Variants in MBD1 observed in about 807,000 individuals in gnomAD.
MBD1 encodes methyl-CpG-binding domain protein 1.
A neutral mutation model predicts 82.6 loss-of-function variants in MBD1; 25 were observed. The observed-to-expected ratio is 0.30, with a 90% CI of 0.22 to 0.42. The LOEUF is 0.42. MBD1 is among the 10% of genes least tolerant of loss of function. The probability of loss-of-function intolerance (pLI) is 1.00; values close to 1 mark genes in which losing one functional copy is unlikely to be tolerated. For missense variants in MBD1, 627 were observed against 819.6 expected (o/e 0.76, Z 2.87); for synonymous variants, 301 against 303.7 (o/e 0.99, Z 0.09).
intron 1 of MBD1, among the ~76,000 whole-genome samples, chr18:50,280,901 G>C (rs1402941199): frequency 3.3e-5 from 5 of 151,718 alleles, no homozygotes; most frequent in Non-Finnish European, 5.9e-5. Context: ...CTCTGTTCTT[G>C]TCCCGGGATC....
In MBD1 at chr18:50,269,166, G is replaced by A. The variant is rs146922501; in HGVS notation, c.*685C>T. On this transcript the variant is annotated 3_prime_UTR_variant, in exon 17 of 17. Coordinates refer to ENST00000269468, the MANE Select transcript of MBD1 (RefSeq NM_015846.4). ...GAATAAATGACACAAAAATAGCCAG[G>A]ACCAGCAAGTTTTTTCTGGGTGGGC... 9.6e-6 allele frequency: 10 copies of A among 1,039,724 alleles called. No homozygotes were observed. In the African/African-American group the frequency reaches 1.7e-4, roughly 18 times the overall value. The allele number at this position is 1,039,724 out of a possible 1,614,324, so 64.4% of individuals were successfully genotyped here.
downstream of MBD1, chr18:50,267,471 C>A: frequency 1.5e-6 from 1 of 683,730 alleles, no homozygotes; most frequent in South Asian, 1.7e-5. Context: ...AGTGGCACGA[C>A]CTGGTGGAGC....
At chr18:50,273,068 C>CAG in intron 13 of MBD1, 113 bp from the exon 14 acceptor site, 5 of 1,397,998 alleles carry the variant, frequency 3.6e-6, no homozygotes, top group Non-Finnish European at 5.0e-6. Flanking sequence ...CACATTTCAA[C>CAG]ACAGAAAGTC....
chr18:50,275,772 G>A (rs1249094362), intron 7 of MBD1, 44 bp from the exon 8 acceptor site: 2 of 1,614,026 alleles, frequency 1.2e-6, no homozygotes, highest in African/African-American at 2.7e-5. Flanking sequence ...GAAGCATGGG[G>A]CCAAGCCCAT....
intron 10 of MBD1, 31 bp downstream of exon 10, chr18:50,274,946 A>C (rs777816980): frequency 6.2e-7 from 1 of 1,610,510 alleles, no homozygotes; most frequent in East Asian, 2.2e-5. Flanking sequence ...CTGAGATTCT[A>C]GGCTTATCCA....
rs1034808756 is a variant in MBD1 at position 50,281,436 on chromosome 18, C to G, written c.-99G>C. 6.8e-6 allele frequency: 4 copies of G among 588,302 alleles called. No homozygotes were observed. The highest frequency in any genetic ancestry group is 3.0e-5 in the Admixed American group (1 of 33,320). 36.4% of individuals were successfully genotyped at this position (588,302 alleles called of 1,614,324 possible). Reference sequence around the variant, plus strand: ...CATGGCGAGGGTCCCTCCTGCACCTCCCGCCTCGCCCTCCTCCCCTTCCTC... The same window carrying G: ...CATGGCGAGGGTCCCTCCTGCACCTGCCGCCTCGCCCTCCTCCCCTTCCTC... On this transcript the variant is annotated 5_prime_UTR_variant, in exon 1 of 17. Transcript: ENST00000269468.
At chr18:50,276,259 A>G in intron 6 of MBD1, 119 bp downstream of exon 6, 1 of 1,065,728 alleles carries the variant, frequency 9.4e-7, no homozygotes, top group Non-Finnish European at 1.4e-6. Context: ...ACCTATGGAG[A>G]GCACCCTATA....
chr18:50,281,090 C>T, intron 1 of MBD1: 3 of 1,433,244 alleles, frequency 2.1e-6, no homozygotes, highest in Non-Finnish European at 2.8e-6. Flanking sequence ...CTTCAGATGC[C>T]CCGATGTCTC....
chr18:50,273,131 T>C (rs1436498328), intron 13 of MBD1, 176 bp from the exon 14 acceptor site: 1 of 1,206,610 alleles, frequency 8.3e-7, no homozygotes, highest in Non-Finnish European at 1.2e-6. Context: ...GACCTCCGTT[T>C]TTCTGTTAGC....
At chr18:50,268,758 G>C (rs1008215973), downstream of MBD1, 1 of 268,862 alleles carries the variant, frequency 3.7e-6, no homozygotes, top group African/African-American at 2.3e-5. Context: ...ACCTTGATTT[G>C]ATCTTCCCAC....
chr18:50,279,694 T>C, intron 2 of MBD1, 189 bp downstream of exon 2: 1 of 703,466 alleles, frequency 1.4e-6, no homozygotes, highest in Non-Finnish European at 2.3e-6. Flanking sequence ...ACAAATGCAC[T>C]GTGAGTAGTG....
rs2034527289 is a variant in MBD1, at chr18:50,269,369, C to A, written c.*482G>T. On this transcript the variant is annotated 3_prime_UTR_variant, in exon 17 of 17. Transcript: ENST00000269468. ...CTTGGTGAGGCTATGTTTCCCGGAA[C>A]TCTCTTCCAGTAAGATGGGCCACAA... is the stretch of plus-strand genomic sequence containing the variant. 2.3e-6 allele frequency: 3 copies of A among 1,309,228 alleles called. No homozygotes were observed. Among genetic ancestry groups the A allele is most frequent in the Non-Finnish European group, 3.0e-6 (3 of 1,002,058 alleles). 81.1% of individuals were successfully genotyped at this position (1,309,228 alleles called of 1,614,324 possible).
At position 50,274,267 on chromosome 18, in the gene MBD1, G is replaced by A. The variant is rs1473313422; in HGVS notation, c.1065C>T (p.Phe355=). Residue 355 remains phenylalanine (F), a synonymous_variant, in exon 11 of 17, where the codon TTC becomes TTT. Coordinates refer to ENST00000269468, the MANE Select transcript of MBD1 (RefSeq NM_015846.4). ...LRRMDCGRCD[F]CCDKPKFGGS... ...CCCCGAATTTGGGCTTGTCGCAGCA[G>A]AAGTCGCAGCGGCCACAGTCCATCC... 1.2e-6 allele frequency: 2 copies of A among 1,614,092 alleles called. No individual in the cohort carries two copies. Among genetic ancestry groups the A allele is most frequent in the East Asian group, 2.2e-5 (1 of 44,888 alleles).
At chr18:50,280,726 A>G (rs2039909048) in intron 1 of MBD1, among the ~76,000 whole-genome samples, 1 of 151,428 alleles carries the variant, frequency 6.6e-6, no homozygotes, top group Admixed American at 6.6e-5. Context: ...CTTCTCCTTC[A>G]ATGTTCTCAC....
downstream of MBD1, among the ~76,000 whole-genome samples, chr18:50,268,659 T>C (rs988895392): frequency 1.9e-4 from 29 of 152,210 alleles, no homozygotes; most frequent in African/African-American, 6.5e-4. Flanking sequence ...GTCCGGCCAG[T>C]GCTGAGCACC....
upstream of MBD1, chr18:50,281,721 G>A (rs1377895509): frequency 1.3e-5 from 5 of 386,532 alleles, no homozygotes; most frequent in Non-Finnish European, 2.3e-5. Context: ...ACCCCTTCGA[G>A]GGACTGGCAG....
At position 50,270,233 on chromosome 18, in the gene MBD1, T is replaced by C. The variant is rs1599208074; in HGVS notation, c.*33-415A>G. 2 of 1,399,648 alleles carry C rather than the reference T, an allele frequency of 1.4e-6. 1 individual carries two copies. The highest frequency in any genetic ancestry group is 3.3e-5 in the Admixed American group (2 of 59,720). 86.7% of individuals were successfully genotyped at this position (1,399,648 alleles called of 1,614,324 possible). ...ATGGCTAATCCATGTCTGAATTACT[T>C]AAAGCTGCAGGGCTGGGACTAGGGT... On this transcript the variant is annotated intron_variant, in intron 16 of 16. Coordinates refer to ENST00000269468, the MANE Select transcript of MBD1 (RefSeq NM_015846.4).
At chr18:50,271,662 CT>C (rs1568191541) in intron 15 of MBD1, 122 bp from the exon 16 acceptor site, 8 of 1,071,394 alleles carry the variant, frequency 7.5e-6, no homozygotes, top group African/African-American at 1.6e-5. Context: ...TATCCTTTAT[CT>C]TTTTTTATAT....
In MBD1 at chr18:50,281,518, G is replaced by A. The variant is rs1002057840; in HGVS notation, c.-181C>T. ...GCTGTCGCCTCCGCGGCTGTTCGTT[G>A]CTCCCGGAACCGGAAGTCCGCTGCC... is the stretch of plus-strand genomic sequence containing the variant. On this transcript the variant is annotated 5_prime_UTR_variant, in exon 1 of 17. Transcript: ENST00000269468. 13 of 576,458 alleles carry A rather than the reference G, an allele frequency of 2.3e-5. No homozygotes were observed. Among genetic ancestry groups the A allele is most frequent in the African/African-American group, 2.3e-4 (12 of 53,294 alleles). The allele number at this position is 576,458 out of a possible 1,614,324, so 35.7% of individuals were successfully genotyped here. A position where few individuals can be genotyped will look rare whatever the true frequency, so the allele number is the denominator to read the frequency against.
Sources: allele counts gnomAD v4.1 joint callset (sites outside exome capture counted in the v4.1 genomes callset), GRCh38; gene constraint gnomAD v4.1.1; transcripts MANE v1.5; gene names NCBI Gene and HGNC (gene_info 2026-07-23, HGNC 2026-07-21).